Variants in PHKB observed in about 807,000 individuals in gnomAD.
PHKB encodes the protein phosphorylase b kinase regulatory subunit beta.
In PHKB, 122 loss-of-function variants were observed where a neutral mutation model predicts 152.1. The ratio of observed to expected loss-of-function variants is 0.80; its 90% CI spans 0.69 to 0.93. The LOEUF is 0.93. PHKB is among the 40% of genes least tolerant of loss of function. The probability of loss-of-function intolerance (pLI) is 0.00; values close to 1 mark genes in which losing one functional copy is unlikely to be tolerated. For missense variants in PHKB, 1,304 were observed against 1,328.4 expected, an observed-to-expected ratio of 0.98 and a Z score of 0.29; for synonymous variants, 436 against 464.9, an observed-to-expected ratio of 0.94 and a Z score of 0.80.
At chr16:47,632,679 T>C (rs754852152) in intron 14 of PHKB, among the ~76,000 whole-genome samples, 5 of 152,154 alleles carry the variant, frequency 3.3e-5, no homozygotes, top group Admixed American at 6.5e-5. Context: ...TTGAGCCTTA[T>C]GAATGAATTA....
intron 14 of PHKB, among the ~76,000 whole-genome samples, chr16:47,631,410 C>T (rs924583203): frequency 3.9e-5 from 6 of 152,178 alleles, no homozygotes; most frequent in Non-Finnish European, 7.3e-5. Context: ...AGCAAGCTGT[C>T]AAGATGTATT....
At chr16:47,604,348 C>G (rs946744271) in intron 13 of PHKB, among the ~76,000 whole-genome samples, 2 of 152,044 alleles carry the variant, frequency 1.3e-5, no homozygotes, top group Non-Finnish European at 2.9e-5. Context: ...CAGTGTTTTC[C>G]TATTTAGTTT....
At position 47,543,260 on chromosome 16, in the gene PHKB, G is replaced by C. The variant is rs541326544; in HGVS notation, c.595-4173G>C. Among the ~76,000 whole-genome samples, 128 of 152,182 alleles carry C rather than the reference G, an allele frequency of 8.4e-4. 1 individual carries two copies. Among genetic ancestry groups the C allele is most frequent in the African/African-American group, 2.9e-3 (122 of 41,528 alleles). On this transcript the variant is annotated intron_variant, in intron 6 of 30. Transcript: ENST00000323584. ...CCTTTTCTGCATCTATTGAGATAAT[G>C]GTGTGGTTTTTGTCTTTGGTTCTGT... is the stretch of plus-strand genomic sequence containing the variant.
At chr16:47,567,827 G>A (rs1357099872) in intron 7 of PHKB, among the ~76,000 whole-genome samples, 1 of 152,144 alleles carries the variant, frequency 6.6e-6, no homozygotes, top group Admixed American at 6.5e-5. Flanking sequence ...TTCTGTTTAT[G>A]TGATGAATCA....
At chr16:47,565,673 C>G in intron 7 of PHKB, 1 of 1,309,322 alleles carries the variant, frequency 7.6e-7, no homozygotes, top group Non-Finnish European at 1.1e-6. Context: ...ATCCCTGTTC[C>G]TGAGTTTCTT....
At chr16:47,509,360 G>T (rs1479271066) in intron 4 of PHKB, among the ~76,000 whole-genome samples, 1 of 152,098 alleles carries the variant, frequency 6.6e-6, no homozygotes, top group Non-Finnish European at 1.5e-5. Flanking sequence ...CATTCTCTAG[G>T]TCCTGATTAC....
chr16:47,517,921 C>T (rs1389300484), intron 6 of PHKB, among the ~76,000 whole-genome samples: 4 of 152,112 alleles, frequency 2.6e-5, no homozygotes, highest in South Asian at 2.1e-4. Context: ...CCTTGAGATT[C>T]TGTATAATGT....
chr16:47,565,021 A>T (rs1338067787), intron 7 of PHKB: 36 of 339,318 alleles, frequency 1.1e-4, no homozygotes, highest in Non-Finnish European at 1.7e-4. Flanking sequence ...TAGAGGTTTG[A>T]TTTGCTCTCT....
chr16:47,603,094 A>G (rs76163202), intron 13 of PHKB, among the ~76,000 whole-genome samples: 7,540 of 152,282 alleles, frequency 0.05, 252 homozygotes, highest in Middle Eastern at 0.1. Context: ...CTGGAAATCT[A>G]ATGCTTTTTA....
chr16:47,619,027 A>T (rs1006097706), intron 14 of PHKB: 18 of 152,174 alleles, frequency 1.2e-4, no homozygotes, highest in Admixed American at 1.3e-4. Flanking sequence ...ACTACTATTG[A>T]TTGTGTTTCT....
chr16:47,491,910 C>CT (rs976046848), intron 1 of PHKB, among the ~76,000 whole-genome samples: 2 of 152,190 alleles, frequency 1.3e-5, no homozygotes, highest in Non-Finnish European at 1.5e-5. Flanking sequence ...TTTAATTAAA[C>CT]TGACTTTTAG....
chr16:47,555,831 T>C (rs1263119277), intron 7 of PHKB, among the ~76,000 whole-genome samples: 1 of 152,230 alleles, frequency 6.6e-6, no homozygotes, highest in Non-Finnish European at 1.5e-5. Context: ...GGTAGCTTGA[T>C]GGGGATGGCA....
chr16:47,578,199 G>C (rs563302522), intron 7 of PHKB, among the ~76,000 whole-genome samples: 1 of 152,118 alleles, frequency 6.6e-6, no homozygotes, highest in South Asian at 2.1e-4. Flanking sequence ...AAGGATTTCT[G>C]GTTTTTTGAT....
intron 8 of PHKB, among the ~76,000 whole-genome samples, chr16:47,584,256 A>T (rs1187089362): frequency 6.6e-6 from 1 of 152,128 alleles, no homozygotes; most frequent in Non-Finnish European, 1.5e-5. Context: ...TCATGATCTC[A>T]AATATATTCT....
At chr16:47,463,080 A>T (rs1409295490) in intron 1 of PHKB, 1 of 152,642 alleles carries the variant, frequency 6.6e-6, no homozygotes, top group Non-Finnish European at 1.5e-5. Flanking sequence ...AAAGAGAATA[A>T]CTGGAGTTTT....
At chr16:47,503,363 A>G (rs567643573) in intron 4 of PHKB, among the ~76,000 whole-genome samples, 3 of 152,316 alleles carry the variant, frequency 2.0e-5, no homozygotes, top group African/African-American at 7.2e-5. Flanking sequence ...ATAAAGACCC[A>G]GTTTCTCAGG....
chr16:47,561,425 C>G (rs1971473970), intron 7 of PHKB: 2 of 152,152 alleles, frequency 1.3e-5, no homozygotes, highest in Admixed American at 1.3e-4. Flanking sequence ...GATGTCTTTT[C>G]CAAATATCAT....
chr16:47,632,193 T>G (rs1972840155), intron 14 of PHKB, among the ~76,000 whole-genome samples: 1 of 152,200 alleles, frequency 6.6e-6, no homozygotes, highest in Non-Finnish European at 1.5e-5. Context: ...TAGCAATGCC[T>G]CTGAATGATT....
intron 5 of PHKB, 119 bp downstream of exon 5, chr16:47,511,891 G>C: frequency 2.8e-6 from 2 of 709,224 alleles, no homozygotes; most frequent in East Asian, 5.4e-5. Context: ...GGATGGGGTA[G>C]GGGCTAGATG....
Sources: gnomAD v4.1 joint callset for allele counts (sites outside exome capture counted in the v4.1 genomes callset) on GRCh38, gnomAD v4.1.1 for gene constraint, MANE v1.5 for transcripts, NCBI Gene and HGNC (gene_info 2026-07-23, HGNC 2026-07-21) for gene names.